TBC1D10A: variants seen among roughly 807,000 people sequenced by gnomAD.
TBC1D10A encodes the protein TBC1 domain family member 10A, also known as EBP50-PDX interactor of 64 kDa.
In TBC1D10A, 24 loss-of-function variants were observed where a neutral mutation model predicts 52.9. The ratio of observed to expected loss-of-function variants is 0.45; its 90% confidence interval spans 0.33 to 0.64. TBC1D10A has a LOEUF of 0.64. Among genes scored for constraint, TBC1D10A ranks in the 30% least tolerant of loss-of-function variants. The pLI is 0.02. For synonymous variants in TBC1D10A, 278 were observed against 282.9 expected, an observed-to-expected ratio of 0.98 and a Z score of 0.17; for missense variants, 602 against 687.9, an observed-to-expected ratio of 0.88 and a Z score of 1.40.
At chr22:30,317,549 AATCCAATT>A (rs1356256248) in intron 1 of TBC1D10A, among the ~76,000 whole-genome samples, 1 of 152,164 alleles carries the variant, frequency 6.6e-6, no homozygotes, top group Non-Finnish European at 1.5e-5. Context: ...CTATGCTCCT[AATCCAATT>A]ATCTCATTTG....
At chr22:30,293,887 G>A (rs763864169) in intron 7 of TBC1D10A, 34 bp downstream of exon 7, 12 of 1,606,034 alleles carry the variant, frequency 7.5e-6, no homozygotes, top group African/African-American at 1.3e-5. Flanking sequence ...GGCTGCTGGG[G>A]ACAGGGGTGC....
At chr22:30,299,599 C>T in intron 2 of TBC1D10A, 48 bp from the exon 3 acceptor site, 1 of 1,579,960 alleles carries the variant, frequency 6.3e-7, no homozygotes, top group Non-Finnish European at 8.7e-7. Context: ...CCAGGCAGCT[C>T]CCCTAGCCCA....
At position 30,316,436 on chromosome 22, in the gene TBC1D10A, T is replaced by G. The variant is rs372831138; in HGVS notation, c.209+10237A>C. Among the ~76,000 whole-genome samples, 6 of 151,874 alleles carry G rather than the reference T, an allele frequency of 4.0e-5. No homozygotes were observed. In the South Asian group the frequency reaches 1.2e-3, roughly 31 times the overall value. Reference sequence around the variant, plus strand: ...ACTTGCGTGGTACCACATAGAGAACTTCTCAAAGCACTGTTTTTGTTTTTG... The same window carrying G: ...ACTTGCGTGGTACCACATAGAGAACGTCTCAAAGCACTGTTTTTGTTTTTG... On this transcript the variant is annotated intron_variant, in intron 1 of 8. Transcript: ENST00000215790.
chr22:30,307,088 C>G (rs1406349406), intron 1 of TBC1D10A, among the ~76,000 whole-genome samples: 1 of 152,146 alleles, frequency 6.6e-6, no homozygotes, highest in Non-Finnish European at 1.5e-5. Context: ...AGGAGGCCCA[C>G]AGAGGAGCTG....
In TBC1D10A at chr22:30,292,650, G is replaced by A. The variant is rs1929973578; in HGVS notation, c.1252C>T (p.Leu418Phe). ...PSIRLPLDAP[L>F]PGSKAKPKPP... ...TTGGGCTTGGCTTTGGAGCCAGGGA[G>A]GGGGGCATCTAGGGGCAGGCGGATG... Residue 418 changes from leucine to phenylalanine, a missense_variant, in exon 9 of 9, where the codon CTC becomes TTC. Transcript: ENST00000215790. 1.2e-6 allele frequency: 2 copies of A among 1,611,194 alleles called. No homozygotes were observed. Among genetic ancestry groups the A allele is most frequent in the Non-Finnish European group, 1.7e-6 (2 of 1,178,668 alleles).
chr22:30,314,013 G>A (rs1017578084), intron 1 of TBC1D10A, among the ~76,000 whole-genome samples: 2 of 152,134 alleles, frequency 1.3e-5, no homozygotes, highest in African/African-American at 4.8e-5. Flanking sequence ...ACCAGACACT[G>A]TGTTCAGCAC....
chr22:30,323,675 TC>T (rs1372252245), intron 1 of TBC1D10A, among the ~76,000 whole-genome samples: 4 of 151,936 alleles, frequency 2.6e-5, no homozygotes, highest in African/African-American at 9.7e-5. Flanking sequence ...TCTATTAAGA[TC>T]CCTTACAGGC....
chr22:30,292,173 T>TGTAGATCTCGGTGGTC lies in TBC1D10A; in HGVS notation c.*201_*202insGACCACCGAGATCTAC. ...CCTGCCCTGGCTGGGCCAGCCTGAG[T>TGTAGATCTCGGTGGTC]GCCACTGTAAAGAAAATAAATAAGG... On this transcript the variant is annotated 3_prime_UTR_variant, in exon 9 of 9. Transcript: ENST00000215790. 1 of 512,874 alleles carries TGTAGATCTCGGTGGTC rather than the reference T, an allele frequency of 1.9e-6. No homozygotes were observed. Among genetic ancestry groups the TGTAGATCTCGGTGGTC allele is most frequent in the Non-Finnish European group, 3.4e-6 (1 of 297,532 alleles). The allele number at this position is 512,874 out of a possible 1,614,324, so 31.8% of individuals were successfully genotyped here. A position where few individuals can be genotyped will look rare whatever the true frequency, so the allele number is the denominator to read the frequency against.
At position 30,326,739 on chromosome 22, in the gene TBC1D10A, T is replaced by C. The variant is rs746611500; in HGVS notation, c.143A>G (p.Asn48Ser). The change falls in exon 1 of 9, where the codon AAC (asparagine) becomes AGC (serine). Residue 48 changes from asparagine to serine, a missense_variant. This residue lies in a region of TBC1D10A where 201 missense variants were observed against 204.4 expected (regional missense o/e 0.98). Coordinates refer to ENST00000215790, the MANE Select transcript of TBC1D10A (RefSeq NM_031937.3). ...GTCGATGCGGCGCTCGGCGAAGCCG[T>C]TGGCCTCCGAGTCAGACCCGAGAGA... is the stretch of plus-strand genomic sequence containing the variant. Reference protein sequence around the residue: ...LSSLGSDSEANGFAERRIDKF... With the variant: ...LSSLGSDSEASGFAERRIDKF... 2.4e-5 allele frequency: 37 copies of C among 1,543,342 alleles called. No homozygotes were observed. Among genetic ancestry groups the C allele is most frequent in the Admixed American group, 3.8e-5 (2 of 52,626 alleles).
intron 1 of TBC1D10A, among the ~76,000 whole-genome samples, chr22:30,318,485 C>T (rs1005399244): frequency 5.9e-5 from 9 of 152,220 alleles, no homozygotes; most frequent in Non-Finnish European, 1.2e-4. Context: ...CGGGGCAAGC[C>T]AGCCATACCA....
chr22:30,309,175 A>G (rs971767418), intron 1 of TBC1D10A, among the ~76,000 whole-genome samples: 2 of 151,936 alleles, frequency 1.3e-5, no homozygotes, highest in Non-Finnish European at 2.9e-5. Flanking sequence ...AGAGACACCA[A>G]TACACTGGAT....
intron 1 of TBC1D10A, among the ~76,000 whole-genome samples, chr22:30,315,766 T>G (rs1930523431): frequency 6.6e-6 from 1 of 152,168 alleles, no homozygotes; most frequent in Non-Finnish European, 1.5e-5. Context: ...TTGGGGTACA[T>G]ATGAGGAGCT....
At chr22:30,306,348 C>A (rs193147110) in intron 1 of TBC1D10A, among the ~76,000 whole-genome samples, 3 of 152,320 alleles carry the variant, frequency 2.0e-5, no homozygotes, top group Admixed American at 1.3e-4. Context: ...CTATCTGATA[C>A]CTCAACCCTC....
At chr22:30,316,745 A>T (rs867178627) in intron 1 of TBC1D10A, among the ~76,000 whole-genome samples, 1 of 152,162 alleles carries the variant, frequency 6.6e-6, no homozygotes, top group African/African-American at 2.4e-5. Flanking sequence ...ATCCCACTAA[A>T]GCTGCCTTAG....
chr22:30,323,386 TGA>T (rs2145787845), intron 1 of TBC1D10A, among the ~76,000 whole-genome samples: 1 of 152,346 alleles, frequency 6.6e-6, no homozygotes, highest in South Asian at 2.1e-4. Context: ...CATATACTGC[TGA>T]GAGAGTCGAA....
intron 3 of TBC1D10A, chr22:30,296,911 A>T (rs1930092458): frequency 6.6e-6 from 1 of 152,286 alleles, no homozygotes; most frequent in African/African-American, 2.4e-5. Flanking sequence ...GGTGTGGCCC[A>T]GGCACCTTCA....
At chr22:30,324,277 C>T (rs746874946) in intron 1 of TBC1D10A, among the ~76,000 whole-genome samples, 1 of 152,212 alleles carries the variant, frequency 6.6e-6, no homozygotes, top group African/African-American at 2.4e-5. Context: ...CACCCTGAAG[C>T]TTTCCATAAC....
At chr22:30,324,920 T>C (rs1418025994) in intron 1 of TBC1D10A, among the ~76,000 whole-genome samples, 1 of 152,216 alleles carries the variant, frequency 6.6e-6, no homozygotes, top group African/African-American at 2.4e-5. Context: ...GATTGCCTGA[T>C]AAGCATGTAG....
intron 1 of TBC1D10A, among the ~76,000 whole-genome samples, chr22:30,321,464 A>G (rs1482264636): frequency 6.6e-6 from 1 of 152,246 alleles, no homozygotes; most frequent in East Asian, 1.9e-4. Context: ...CACTCCAATA[A>G]AAACTGGCAC....
Sources: gnomAD v4.1 joint callset for allele counts (sites outside exome capture counted in the v4.1 genomes callset) on GRCh38, gnomAD v4.1.1 for gene constraint, gnomAD v4.1.1 regional missense constraint, MANE v1.5 for transcripts, NCBI Gene and HGNC (gene_info 2026-07-23, HGNC 2026-07-21) for gene names.